The following ZMIZ1 variants were observed in gnomAD, a reference collection of about 807,000 sequenced individuals.
ZMIZ1 encodes zinc finger MIZ-type containing 1, also known as zinc finger MIZ domain-containing protein 1.
In ZMIZ1, 17 loss-of-function variants were observed where a neutral mutation model predicts 113.9. The observed-to-expected ratio is 0.15, with a 90% CI of 0.10 to 0.22. The LOEUF is 0.22. Ranked by LOEUF, ZMIZ1 falls within the 10% of genes least tolerant of loss-of-function variation. ZMIZ1 has a pLI of 1.00. For missense variants in ZMIZ1, 1,059 were observed against 1,477.8 expected, an observed-to-expected ratio of 0.72 and a Z score of 4.65; for synonymous variants, 607 against 603.1, an observed-to-expected ratio of 1.01 and a Z score of -0.09.
chr10:79,211,118 G>T (rs1193743083), intron 6 of ZMIZ1, among the ~76,000 whole-genome samples: 2 of 152,142 alleles, frequency 1.3e-5, no homozygotes, highest in Non-Finnish European at 2.9e-5. Context: ...GGCGGGTAGT[G>T]GGGATTGTCA....
chr10:79,097,560 T>C (rs952202650), intron 1 of ZMIZ1, among the ~76,000 whole-genome samples: 2 of 152,190 alleles, frequency 1.3e-5, no homozygotes, highest in African/African-American at 2.4e-5. Context: ...ATAAAATCAA[T>C]TGGACTGTTT....
At chr10:79,098,694 T>C (rs141636532) in intron 1 of ZMIZ1, among the ~76,000 whole-genome samples, 1 of 152,286 alleles carries the variant, frequency 6.6e-6, no homozygotes, top group Non-Finnish European at 1.5e-5. Context: ...GAGATTTGAG[T>C]GCAGGTGATC....
Position 79,307,424 on chromosome 10 carries a change from T to C in ZMIZ1, c.2688T>C (p.His896=), listed in dbSNP as rs1854786695. The C allele has an allele frequency of 6.2e-7, 1 of 1,611,064 alleles. No homozygotes were observed. The highest frequency in any genetic ancestry group is 1.1e-5 in the South Asian group (1 of 90,958). Residue 896 remains histidine, a synonymous_variant, in exon 23 of 25, where the codon CAT becomes CAC. Transcript: ENST00000334512. ...TCCTAGGCAACAACTACCAAGGCCATGGCAACTTTGACTTCCCCCACGGGA... is the reference window on the plus strand; with the variant it reads ...TCCTAGGCAACAACTACCAAGGCCACGGCAACTTTGACTTCCCCCACGGGA... ...YSSQGNNYQG[H]GNFDFPHGNP... is the part of the protein sequence containing the mutation.
chr10:79,153,568 C>G (rs147625243), intron 3 of ZMIZ1, among the ~76,000 whole-genome samples: 2 of 152,390 alleles, frequency 1.3e-5, no homozygotes, highest in East Asian at 3.9e-4. Context: ...CCACCACTGG[C>G]TGTCCTTGCG....
chr10:79,307,380 C>T, intron 22 of ZMIZ1, 25 bp from the exon 23 acceptor site: 1 of 1,603,206 alleles, frequency 6.2e-7, no homozygotes, highest in Non-Finnish European at 8.5e-7. Flanking sequence ...TGACCCCCTC[C>T]CCTCCCCATC....
intron 7 of ZMIZ1, among the ~76,000 whole-genome samples, chr10:79,275,699 C>T (rs1235196492): frequency 2.6e-5 from 4 of 152,220 alleles, no homozygotes; most frequent in Non-Finnish European, 5.9e-5. Context: ...TGAAGGCTTT[C>T]ACCTCCTCCC....
chr10:79,177,839 T>C (rs1473707645), intron 4 of ZMIZ1, among the ~76,000 whole-genome samples: 1 of 152,198 alleles, frequency 6.6e-6, no homozygotes, highest in East Asian at 1.9e-4. Flanking sequence ...GGAAGAAAAA[T>C]AAAACTGCCC....
chr10:79,182,853 T>TGGTACGCATTCATTAGATGTGCAC (rs1847177498), intron 4 of ZMIZ1, among the ~76,000 whole-genome samples: 1 of 152,228 alleles, frequency 6.6e-6, no homozygotes, highest in East Asian at 1.9e-4. Flanking sequence ...GGTGTGTGCA[T>TGGTACGCATTCATTAGATGTGCAC]GGTACGTATC....
chr10:79,256,682 T>G (rs2132916067), intron 7 of ZMIZ1, among the ~76,000 whole-genome samples: 1 of 152,328 alleles, frequency 6.6e-6, no homozygotes, highest in East Asian at 1.9e-4. Flanking sequence ...TCCAGCTGTT[T>G]CCACAGGGGG....
chr10:79,146,219 T>A (rs1845477117), intron 3 of ZMIZ1, among the ~76,000 whole-genome samples: 1 of 152,064 alleles, frequency 6.6e-6, no homozygotes, highest in African/African-American at 2.4e-5. Flanking sequence ...GGGTCTCCGC[T>A]CTGCCTGTCA....
chr10:79,216,377 T>C, intron 7 of ZMIZ1, 103 bp downstream of exon 7: 2 of 1,033,248 alleles, frequency 1.9e-6, no homozygotes, highest in Non-Finnish European at 2.8e-6. Flanking sequence ...TGCCTCCATT[T>C]GTCTAGGTGT....
chr10:79,271,207 C>T (rs1389869543), intron 7 of ZMIZ1, among the ~76,000 whole-genome samples: 1 of 152,182 alleles, frequency 6.6e-6, no homozygotes, highest in African/African-American at 2.4e-5. Context: ...CTGCCCAGGC[C>T]CTTTGTCTCA....
chr10:79,106,603 C>T (rs1843568592), intron 1 of ZMIZ1, among the ~76,000 whole-genome samples: 1 of 152,266 alleles, frequency 6.6e-6, no homozygotes, highest in Non-Finnish European at 1.5e-5. Context: ...TGCTCCTTGG[C>T]CGGTCTTTGC....
At chr10:79,103,512 G>C (rs991174525) in intron 1 of ZMIZ1, among the ~76,000 whole-genome samples, 2 of 149,262 alleles carry the variant, frequency 1.3e-5, no homozygotes, top group Non-Finnish European at 3.0e-5. Flanking sequence ...TTGACTTTTG[G>C]ATTTGATGCC....
chr10:79,193,069 G>A (rs703972), intron 4 of ZMIZ1, among the ~76,000 whole-genome samples: 2 of 152,080 alleles, frequency 1.3e-5, no homozygotes, highest in African/African-American at 2.4e-5. Context: ...GCAGGCTACC[G>A]AGGTTTGGGA....
chr10:79,180,744 G>A (rs951280140), intron 4 of ZMIZ1, among the ~76,000 whole-genome samples: 1 of 152,204 alleles, frequency 6.6e-6, no homozygotes, highest in Non-Finnish European at 1.5e-5. Context: ...GCTCAGGGGG[G>A]ATAAAGTGCC....
chr10:79,178,703 A>C (rs1335283588), intron 4 of ZMIZ1, among the ~76,000 whole-genome samples: 1 of 151,712 alleles, frequency 6.6e-6, no homozygotes, highest in Non-Finnish European at 1.5e-5. Context: ...CCACCCCCGC[A>C]TGCTTCCTTC....
At chr10:79,292,651 T>A in intron 11 of ZMIZ1, 1 of 500,824 alleles carries the variant, frequency 2.0e-6, no homozygotes, top group Non-Finnish European at 3.8e-6. Context: ...AGGTTCTACA[T>A]GGCTCTCTGG....
chr10:79,075,723 C>G (rs12267620), intron 1 of ZMIZ1, among the ~76,000 whole-genome samples: 9,463 of 152,328 alleles, frequency 0.062, 479 homozygotes, highest in Middle Eastern at 0.13. Context: ...CGTCCTCCCC[C>G]ACCACTCTTA....
Sources: allele counts gnomAD v4.1 joint callset (sites outside exome capture counted in the v4.1 genomes callset), GRCh38; gene constraint gnomAD v4.1.1; transcripts MANE v1.5; gene names NCBI Gene and HGNC (gene_info 2026-07-23, HGNC 2026-07-21).